The following PARP8 variants were observed in gnomAD, a reference collection of about 807,000 sequenced individuals.
PARP8 encodes the protein protein mono-ADP-ribosyltransferase PARP8.
In PARP8, 51 loss-of-function variants were observed where a neutral mutation model predicts 124.1. That is an observed-to-expected ratio of 0.41 (90% CI 0.33 to 0.52). The LOEUF is 0.52. Among genes scored for constraint, PARP8 ranks in the 20% least tolerant of loss-of-function variants. PARP8 has a pLI of 0.21. For missense variants in PARP8, 860 were observed against 1,018.9 expected, an observed-to-expected ratio of 0.84 and a Z score of 2.12; for synonymous variants, 391 against 361.5, an observed-to-expected ratio of 1.08 and a Z score of -0.93.
At chr5:50,693,824 T>A (rs1161702019) in intron 2 of PARP8, among the ~76,000 whole-genome samples, 1 of 151,432 alleles carries the variant, frequency 6.6e-6, no homozygotes, top group Non-Finnish European at 1.5e-5. Flanking sequence ...AATTATACAA[T>A]CAATTATTAA....
intron 2 of PARP8, among the ~76,000 whole-genome samples, chr5:50,711,192 C>G (rs937020121): frequency 6.6e-6 from 1 of 152,160 alleles, no homozygotes; most frequent in African/African-American, 2.4e-5. Context: ...AATTGTAGAG[C>G]TAAGTCTTCT....
At chr5:50,831,564 A>G (rs1212457465) in intron 22 of PARP8, among the ~76,000 whole-genome samples, 1 of 152,232 alleles carries the variant, frequency 6.6e-6, no homozygotes, top group Non-Finnish European at 1.5e-5. Flanking sequence ...CAAAGAAGAA[A>G]TCTATTAAAA....
intron 14 of PARP8, among the ~76,000 whole-genome samples, chr5:50,802,793 G>GA (rs1420727484): frequency 1.3e-5 from 2 of 151,634 alleles, no homozygotes; most frequent in Admixed American, 1.3e-4. Context: ...AAAAAATCAG[G>GA]AAAAAAAATC....
chr5:50,717,571 A>G (rs1755448317), intron 2 of PARP8, among the ~76,000 whole-genome samples: 1 of 152,018 alleles, frequency 6.6e-6, no homozygotes. Context: ...CCAAGAGTAG[A>G]TGATACAATA....
intron 10 of PARP8, among the ~76,000 whole-genome samples, chr5:50,793,732 T>C (rs1742217388): frequency 6.6e-6 from 1 of 152,206 alleles, no homozygotes; most frequent in Non-Finnish European, 1.5e-5. Context: ...GAAGAAGATA[T>C]CGAAGCAAGT....
chr5:50,826,213 G>C (rs1215057671), intron 18 of PARP8, among the ~76,000 whole-genome samples: 1 of 151,914 alleles, frequency 6.6e-6, no homozygotes, highest in African/African-American at 2.4e-5. Context: ...TGTGCTTATA[G>C]AGCAGTTCCT....
intron 9 of PARP8, among the ~76,000 whole-genome samples, chr5:50,786,300 G>A (rs1741239606): frequency 6.6e-6 from 1 of 151,090 alleles, no homozygotes; most frequent in African/African-American, 2.4e-5. Flanking sequence ...ACCTATTTGG[G>A]TTTTCATCTT....
chr5:50,815,380 G>T, intron 14 of PARP8, 52 bp from the exon 15 acceptor site: 2 of 1,266,612 alleles, frequency 1.6e-6, no homozygotes, highest in South Asian at 2.9e-5. Flanking sequence ...ATTTAATTTT[G>T]ATATTGAGAG....
At chr5:50,766,026 C>G (rs1210187695) in intron 7 of PARP8, among the ~76,000 whole-genome samples, 1 of 152,032 alleles carries the variant, frequency 6.6e-6, no homozygotes, top group Non-Finnish European at 1.5e-5. Flanking sequence ...GGCAGCTAAC[C>G]ACATCTAAGT....
intron 14 of PARP8, among the ~76,000 whole-genome samples, chr5:50,806,832 A>G (rs1743896549): frequency 6.6e-6 from 1 of 152,062 alleles, no homozygotes; most frequent in Admixed American, 6.6e-5. Context: ...ATTCAAGAGT[A>G]ATGTATAAAA....
In PARP8 at chr5:50,763,169, C is replaced by T; in HGVS notation, c.445C>T (p.His149Tyr). The T allele has an allele frequency of 6.2e-7, 1 of 1,613,440 alleles. No homozygotes were observed. Among genetic ancestry groups the T allele is most frequent in the South Asian group, 1.1e-5 (1 of 91,064 alleles). ...TCAGGTGAACTATGATGGGGAACTGCACAAGCACCCACAACTGGAAGCTGA... is the reference window on the plus strand; with the variant it reads ...TCAGGTGAACTATGATGGGGAACTGTACAAGCACCCACAACTGGAAGCTGA... ...GGQVNYDGEL[H>Y]KHPQLEADLS... is the part of the protein sequence containing the mutation. Residue 149 changes from histidine to tyrosine, a missense_variant, in exon 7 of 26, where the codon CAC becomes TAC. Physicochemically the swap from His to Tyr is moderately conservative, Grantham distance 83. This residue lies in a region of PARP8 where 517 missense variants were observed against 544.2 expected (regional missense o/e 0.95). Coordinates refer to ENST00000281631, the MANE Select transcript of PARP8 (RefSeq NM_024615.4).
chr5:50,761,094 T>C (rs532510828), intron 5 of PARP8, among the ~76,000 whole-genome samples: 1 of 152,260 alleles, frequency 6.6e-6, no homozygotes, highest in Non-Finnish European at 1.5e-5. Flanking sequence ...AACTTGAAAT[T>C]CAGTGTAGAA....
intron 2 of PARP8, among the ~76,000 whole-genome samples, chr5:50,685,077 A>G (rs1162390347): frequency 1.3e-5 from 2 of 152,118 alleles, no homozygotes; most frequent in Non-Finnish European, 2.9e-5. Flanking sequence ...TTTAGTTTTA[A>G]AATGTTATTT....
chr5:50,667,501 C>G (rs1028946788), intron 1 of PARP8: 8 of 697,858 alleles, frequency 1.1e-5, no homozygotes, highest in Non-Finnish European at 2.6e-6. Flanking sequence ...CCTCCAAGCA[C>G]GCTTCCTGGG....
intron 7 of PARP8, among the ~76,000 whole-genome samples, chr5:50,764,973 T>G (rs1393372511): frequency 6.6e-6 from 1 of 151,938 alleles, no homozygotes; most frequent in Non-Finnish European, 1.5e-5. Flanking sequence ...GAAATATATA[T>G]TTTGGTTGCT....
intron 2 of PARP8, chr5:50,739,141 C>T: frequency 1.4e-6 from 1 of 696,318 alleles, no homozygotes; most frequent in South Asian, 1.5e-5. Flanking sequence ...GAACCAACAA[C>T]CATTGAGGCC....
intron 9 of PARP8, among the ~76,000 whole-genome samples, chr5:50,785,973 G>A (rs892998640): frequency 2.0e-5 from 3 of 151,938 alleles, no homozygotes; most frequent in Non-Finnish European, 2.9e-5. Context: ...CAGCAATTCA[G>A]TTCTCCTCCT....
chr5:50,787,180 A>C (rs940520023), intron 9 of PARP8, among the ~76,000 whole-genome samples: 1 of 152,120 alleles, frequency 6.6e-6, no homozygotes, highest in African/African-American at 2.4e-5. Flanking sequence ...TGAATCCAAA[A>C]TGTTCATCAC....
At chr5:50,798,864 C>A (rs78192209) in intron 14 of PARP8, among the ~76,000 whole-genome samples, 1 of 152,264 alleles carries the variant, frequency 6.6e-6, no homozygotes, top group South Asian at 2.1e-4. Flanking sequence ...TGGCCATTTG[C>A]ATGTCTTTGG....
Sources: allele counts gnomAD v4.1 joint callset (sites outside exome capture counted in the v4.1 genomes callset), GRCh38; gene constraint gnomAD v4.1.1; regional missense constraint gnomAD v4.1.1; transcripts MANE v1.5; gene names NCBI Gene and HGNC (gene_info 2026-07-23, HGNC 2026-07-21).